The following FOXP1 variants were observed in gnomAD, a reference collection of about 807,000 sequenced individuals.
FOXP1 encodes forkhead box protein P1.
In FOXP1, 15 loss-of-function variants were observed where a neutral mutation model predicts 98.2. The observed-to-expected ratio is 0.15, with a 90% confidence interval of 0.10 to 0.24. The LOEUF (loss-of-function observed/expected upper bound fraction) is 0.24, where lower values mean the gene tolerates loss of function less well. FOXP1 is among the 10% of genes least tolerant of loss of function. The probability of loss-of-function intolerance (pLI) is 1.00; values close to 1 mark genes in which losing one functional copy is unlikely to be tolerated. For missense variants in FOXP1, 633 were observed against 848.5 expected (o/e 0.75, Z 3.15); for synonymous variants, 371 against 314.5 (o/e 1.18, Z -1.90).
intron 5 of FOXP1, among the ~76,000 whole-genome samples, chr3:71,283,626 C>T (rs1456997156): frequency 6.6e-6 from 1 of 152,178 alleles, no homozygotes; most frequent in African/African-American, 2.4e-5. Context: ...GCAGCAACTG[C>T]TTACTCTTAC....
chr3:71,156,811 C>T (rs1444793351), intron 6 of FOXP1, among the ~76,000 whole-genome samples: 1 of 152,208 alleles, frequency 6.6e-6, no homozygotes, highest in African/African-American at 2.4e-5. Flanking sequence ...CTTCCATACA[C>T]AGCAAGGAGT....
intron 7 of FOXP1, among the ~76,000 whole-genome samples, chr3:71,073,325 T>A (rs758443631): frequency 6.6e-6 from 1 of 152,216 alleles, no homozygotes; most frequent in African/African-American, 2.4e-5. Context: ...CTTTGTTCTC[T>A]GCTTACACCC....
intron 3 of FOXP1, among the ~76,000 whole-genome samples, chr3:71,427,068 A>G (rs1049235717): frequency 4.0e-5 from 6 of 151,692 alleles, no homozygotes; most frequent in Non-Finnish European, 7.4e-5. Context: ...CTCAAAAAAA[A>G]AAAAAAAAAT....
chr3:71,234,955 C>T (rs1269780913), intron 5 of FOXP1, among the ~76,000 whole-genome samples: 2 of 152,136 alleles, frequency 1.3e-5, no homozygotes, highest in African/African-American at 2.4e-5. Flanking sequence ...TGATCTTTGC[C>T]AGGACCCAGT....
At chr3:71,525,774 CG>C (rs1439625732) in intron 2 of FOXP1, among the ~76,000 whole-genome samples, 1 of 151,944 alleles carries the variant, frequency 6.6e-6, no homozygotes, top group African/African-American at 2.4e-5. Flanking sequence ...AGATGATTCA[CG>C]TTTTTTTTTA....
chr3:71,520,289 G>A (rs1308191366), intron 2 of FOXP1, among the ~76,000 whole-genome samples: 1 of 152,108 alleles, frequency 6.6e-6, no homozygotes, highest in Non-Finnish European at 1.5e-5. Context: ...TCAATGACGG[G>A]AAGGAGTTCA....
chr3:71,009,639 C>T (rs537780271), intron 12 of FOXP1, among the ~76,000 whole-genome samples: 1 of 152,244 alleles, frequency 6.6e-6, no homozygotes, highest in South Asian at 2.1e-4. Flanking sequence ...TTTAAAATTA[C>T]TCATCCTTGA....
chr3:71,337,819 T>A (rs2076778374), intron 4 of FOXP1, among the ~76,000 whole-genome samples: 1 of 152,216 alleles, frequency 6.6e-6, no homozygotes, highest in South Asian at 2.1e-4. Flanking sequence ...CAATTATCAT[T>A]AAACATTTAT....
chr3:71,001,158 G>T, intron 12 of FOXP1, 99 bp from the exon 13 acceptor site: 1 of 855,996 alleles, frequency 1.2e-6, no homozygotes, highest in Non-Finnish European at 1.9e-6. Context: ...AGCGGGTCTA[G>T]CTCCCAGGAG....
rs571647074 is a variant in FOXP1 at position 71,055,225 on chromosome 3, A to C, written c.283-1452T>G. ...GCATCACTAATTTTGATGAACTAAA[A>C]ATGGTTCCTGAAGGTCAGATTCATG... is the stretch of plus-strand genomic sequence containing the variant. On this transcript the variant is annotated intron_variant, in intron 7 of 20. Transcript: ENST00000649528. Among the ~76,000 whole-genome samples the C allele has an allele frequency of 4.5e-4, 69 of 152,312 alleles. 1 individual carries two copies. Among genetic ancestry groups the C allele is most frequent in the African/African-American group, 1.6e-3 (67 of 41,562 alleles).
At chr3:71,044,408 TAA>T (rs779212621) in intron 10 of FOXP1, among the ~76,000 whole-genome samples, 2 of 152,122 alleles carry the variant, frequency 1.3e-5, no homozygotes, top group Non-Finnish European at 2.9e-5. Flanking sequence ...ATGAGATGAT[TAA>T]AGAGACCAGG....
chr3:71,456,207 GC>G (rs1359578666), intron 3 of FOXP1, among the ~76,000 whole-genome samples: 1 of 152,228 alleles, frequency 6.6e-6, no homozygotes, highest in East Asian at 1.9e-4. Context: ...CAAACAAGTC[GC>G]CCTTGCTGTA....
chr3:71,291,881 A>G (rs2072786181), intron 5 of FOXP1, among the ~76,000 whole-genome samples: 1 of 151,516 alleles, frequency 6.6e-6, no homozygotes, highest in South Asian at 2.1e-4. Context: ...TAATTTTTGT[A>G]TTTTTAGTAG....
intron 11 of FOXP1, among the ~76,000 whole-genome samples, chr3:71,038,470 G>C (rs1401555328): frequency 1.3e-5 from 2 of 152,134 alleles, no homozygotes; most frequent in Non-Finnish European, 2.9e-5. Flanking sequence ...CTTATCCAAG[G>C]CAGTGACAAG....
At chr3:71,292,362 C>T (rs2072846229) in intron 5 of FOXP1, among the ~76,000 whole-genome samples, 2 of 152,126 alleles carry the variant, frequency 1.3e-5, no homozygotes, top group African/African-American at 4.8e-5. Flanking sequence ...GAGATGGAGT[C>T]TCCCCTCTGT....
Position 71,476,582 on chromosome 3 carries a change from C to A in FOXP1, c.-168+16844G>T, listed in dbSNP as rs189098169. ...CTCAGCTCACTGCAACCTCCACCTCCCAGGTTCAAGCGATTCTCCGGCCTC... is the reference window on the plus strand; with the variant it reads ...CTCAGCTCACTGCAACCTCCACCTCACAGGTTCAAGCGATTCTCCGGCCTC... On this transcript the variant is annotated intron_variant, in intron 3 of 20. Coordinates refer to ENST00000649528, the MANE Select transcript of FOXP1 (RefSeq NM_001349338.3). Among the ~76,000 whole-genome samples, 788 of 152,132 alleles carry A rather than the reference C, an allele frequency of 5.2e-3. 6 individuals are homozygous for A. Among genetic ancestry groups the A allele is most frequent in the African/African-American group, 0.017 (712 of 41,518 alleles).
At chr3:71,267,726 G>A (rs1200854429) in intron 5 of FOXP1, among the ~76,000 whole-genome samples, 1 of 152,140 alleles carries the variant, frequency 6.6e-6, no homozygotes, top group African/African-American at 2.4e-5. Flanking sequence ...ACTTAAAAAT[G>A]TCTGTGTTGG....
chr3:71,181,625 T>C (rs936618545), intron 6 of FOXP1, among the ~76,000 whole-genome samples: 8 of 152,086 alleles, frequency 5.3e-5, no homozygotes, highest in African/African-American at 1.9e-4. Flanking sequence ...AGAAACAACA[T>C]GAAATGGGGT....
At chr3:71,083,560 G>T (rs558380792) in intron 7 of FOXP1, among the ~76,000 whole-genome samples, 6 of 152,134 alleles carry the variant, frequency 3.9e-5, no homozygotes, top group Admixed American at 3.9e-4. Flanking sequence ...AAGGGATTTC[G>T]CTGGAATTAC....
Sources: allele counts gnomAD v4.1 joint callset (sites outside exome capture counted in the v4.1 genomes callset), GRCh38; gene constraint gnomAD v4.1.1; transcripts MANE v1.5; gene names NCBI Gene and HGNC (gene_info 2026-07-23, HGNC 2026-07-21).